SEMA3A: variants seen among roughly 807,000 people sequenced by gnomAD.
The protein encoded by SEMA3A is semaphorin 3A.
A neutral mutation model predicts 97.9 loss-of-function variants in SEMA3A; 29 were observed. The observed-to-expected ratio is 0.30, with a 90% CI of 0.22 to 0.40. The LOEUF is 0.40. SEMA3A is among the 10% of genes least tolerant of loss of function. The pLI is 1.00. For missense variants in SEMA3A, 763 were observed against 951.3 expected, an observed-to-expected ratio of 0.80 and a Z score of 2.60; for synonymous variants, 321 against 323.7, an observed-to-expected ratio of 0.99 and a Z score of 0.09.
At chr7:84,244,887 T>C (rs1799445467) in intron 3 of SEMA3A, among the ~76,000 whole-genome samples, 1 of 152,190 alleles carries the variant, frequency 6.6e-6, no homozygotes, top group Non-Finnish European at 1.5e-5. Flanking sequence ...TTGAAAATTC[T>C]TTGCTTCAAG....
intron 3 of SEMA3A, among the ~76,000 whole-genome samples, chr7:84,282,875 G>A (rs976486252): frequency 6.6e-6 from 1 of 151,976 alleles, no homozygotes; most frequent in African/African-American, 2.4e-5. Context: ...TTAGCCAGGT[G>A]TGTTGGCGGG....
chr7:84,052,669 G>A (rs1336840411), intron 5 of SEMA3A, among the ~76,000 whole-genome samples: 1 of 152,034 alleles, frequency 6.6e-6, no homozygotes, highest in East Asian at 1.9e-4. Context: ...CCAGCTCCTG[G>A]ATTCATTAAT....
intron 10 of SEMA3A, among the ~76,000 whole-genome samples, chr7:84,006,241 A>AT (rs1259185883): frequency 6.6e-6 from 1 of 152,068 alleles, no homozygotes; most frequent in Admixed American, 6.6e-5. Context: ...AATACATTTA[A>AT]TTTTTTACTA....
chr7:83,961,923 A>C, intron 16 of SEMA3A, 97 bp from the exon 17 acceptor site: 1 of 883,362 alleles, frequency 1.1e-6, no homozygotes. Context: ...TTATGTGTTG[A>C]GGCACATTTT....
intron 1 of SEMA3A, among the ~76,000 whole-genome samples, chr7:84,178,425 GTCT>G (rs1797640936): frequency 4.6e-5 from 7 of 151,974 alleles, no homozygotes; most frequent in Admixed American, 4.6e-4. Flanking sequence ...CACTGTCCAA[GTCT>G]CATGTAATCT....
chr7:84,070,043 G>A (rs1008714561), intron 4 of SEMA3A, among the ~76,000 whole-genome samples: 3 of 152,086 alleles, frequency 2.0e-5, no homozygotes, highest in East Asian at 1.9e-4. Context: ...GAAATAGATC[G>A]CATATGCAAG....
intron 16 of SEMA3A, 33 bp downstream of exon 16, chr7:83,963,172 A>G (rs767798909): frequency 4.4e-6 from 7 of 1,607,078 alleles, no homozygotes; most frequent in Non-Finnish European, 5.9e-6. Context: ...TGTATCTTAG[A>G]TATAAATGAT....
chr7:84,216,168 A>G (rs1798751557), intron 3 of SEMA3A, among the ~76,000 whole-genome samples: 1 of 152,118 alleles, frequency 6.6e-6, no homozygotes, highest in South Asian at 2.1e-4. Context: ...GCTCACTGCC[A>G]CCATCTTTGC....
intron 1 of SEMA3A, among the ~76,000 whole-genome samples, chr7:84,470,948 C>A (rs1410658755): frequency 6.6e-6 from 1 of 151,804 alleles, no homozygotes; most frequent in Non-Finnish European, 1.5e-5. Context: ...TGGCTTGCAA[C>A]CAGTAAAGAT....
intron 1 of SEMA3A, among the ~76,000 whole-genome samples, chr7:84,422,634 T>C (rs779195530): frequency 1.3e-5 from 2 of 152,260 alleles, no homozygotes; most frequent in Non-Finnish European, 2.9e-5. Context: ...TCTTTCCCGC[T>C]TTCTCCTGTG....
intron 1 of SEMA3A, among the ~76,000 whole-genome samples, chr7:84,180,500 C>T (rs575556972): frequency 2.7e-4 from 41 of 151,980 alleles, no homozygotes; most frequent in African/African-American, 9.4e-4. Context: ...CCAACCTGGC[C>T]AACATGGTAA....
At chr7:84,326,087 C>T (rs1010367287) in intron 2 of SEMA3A, among the ~76,000 whole-genome samples, 10 of 152,118 alleles carry the variant, frequency 6.6e-5, no homozygotes, top group African/African-American at 2.4e-4. Context: ...AGATGCTCTT[C>T]TTCTTTCTGG....
chr7:84,002,061 G>A lies in SEMA3A; in HGVS notation c.1361-15C>T, dbSNP rs768381183. ...GGTCCCAACATCTTTGAAAGAAAGT[G>A]GGGAGAAGACCACAAGTTAAGTAGA... On this transcript the variant is annotated splice_polypyrimidine_tract_variant and intron_variant, in intron 11 of 16. Transcript: ENST00000265362. 4 of 1,482,764 alleles carry A rather than the reference G, an allele frequency of 2.7e-6. No individual in the cohort carries two copies. Among genetic ancestry groups the A allele is most frequent in the African/African-American group, 1.4e-5 (1 of 72,114 alleles). 91.9% of individuals were successfully genotyped at this position (1,482,764 alleles called of 1,614,324 possible).
intron 2 of SEMA3A, among the ~76,000 whole-genome samples, chr7:84,324,588 A>G (rs1801729014): frequency 6.6e-6 from 1 of 152,212 alleles, no homozygotes; most frequent in Non-Finnish European, 1.5e-5. Context: ...ATTGGCAATC[A>G]TATTTTATTA....
chr7:84,088,654 TC>T (rs1391335440), intron 4 of SEMA3A, among the ~76,000 whole-genome samples: 5 of 152,160 alleles, frequency 3.3e-5, no homozygotes, highest in Non-Finnish European at 4.4e-5. Context: ...TATGATAGAA[TC>T]ATTAATTAAC....
intron 1 of SEMA3A, among the ~76,000 whole-genome samples, chr7:84,455,315 A>G (rs1222465096): frequency 6.6e-6 from 1 of 151,966 alleles, no homozygotes; most frequent in Non-Finnish European, 1.5e-5. Flanking sequence ...AATACTTGCA[A>G]TGCATTCTTT....
chr7:84,136,855 A>G (rs1447379978), intron 1 of SEMA3A, among the ~76,000 whole-genome samples: 1 of 151,956 alleles, frequency 6.6e-6, no homozygotes, highest in African/African-American at 2.4e-5. Context: ...CATGAGAAAT[A>G]GTACAATACT....
At chr7:84,118,709 A>G (rs1027878963) in intron 3 of SEMA3A, among the ~76,000 whole-genome samples, 1 of 152,126 alleles carries the variant, frequency 6.6e-6, no homozygotes, top group Admixed American at 6.5e-5. Context: ...TTAGTTTGTG[A>G]TTGTGGGTCT....
intron 1 of SEMA3A, among the ~76,000 whole-genome samples, chr7:84,417,151 AG>A (rs779731458): frequency 4.0e-4 from 61 of 152,132 alleles, no homozygotes; most frequent in Non-Finnish European, 1.2e-4. Context: ...CCATGAACAA[AG>A]GGTACATTAC....
Sources: gnomAD v4.1 joint callset for allele counts (sites outside exome capture counted in the v4.1 genomes callset) on GRCh38, gnomAD v4.1.1 for gene constraint, MANE v1.5 for transcripts, NCBI Gene and HGNC (gene_info 2026-07-23, HGNC 2026-07-21) for gene names.